The following RGP1 variants were observed in gnomAD, a reference collection of about 807,000 sequenced individuals.
The protein encoded by RGP1 is RGP1 partner of RAB6A GEF complex.
Under a neutral mutation model 44.5 loss-of-function variants are expected in RGP1, and 28 were observed. That is an observed-to-expected ratio of 0.63 (90% CI 0.47 to 0.86). RGP1 has a LOEUF of 0.86. Ranked by LOEUF, RGP1 falls within the 40% of genes least tolerant of loss-of-function variation. The pLI is 0.00. For synonymous variants in RGP1, 212 were observed against 196.7 expected (o/e 1.08, Z -0.65); for missense variants, 417 against 490.7 (o/e 0.85, Z 1.42).
At position 35,749,993 on chromosome 9, in the gene RGP1, A is replaced by T; in HGVS notation, c.116+122A>T. ...ACCTCCTCTTGCTCACTGTGCTGTC[A>T]TTGTAGGAGAGGGCTCTTTAACAGA... On this transcript the variant is annotated intron_variant, in intron 2 of 8. Transcript: ENST00000378078. This position sits in a 1 kb window ranked among gnomAD's most constrained non-coding sequence, Gnocchi z 4.4. 1 of 877,030 alleles carries T rather than the reference A, an allele frequency of 1.1e-6. No homozygotes were observed. The highest frequency in any genetic ancestry group is 1.6e-5 in the South Asian group (1 of 60,800). 54.3% of individuals were successfully genotyped at this position (877,030 alleles called of 1,614,324 possible).
At chr9:35,762,439 T>C (rs1470377795), downstream of RGP1, among the ~76,000 whole-genome samples, 1 of 152,212 alleles carries the variant, frequency 6.6e-6, no homozygotes, top group African/African-American at 2.4e-5. Flanking sequence ...AGAGGTTAGA[T>C]GACCGTTTGC....
chr9:35,785,508 G>A, the RGP1 span, among the ~76,000 whole-genome samples: 1 of 150,140 alleles, frequency 6.7e-6, no homozygotes, highest in African/African-American at 2.5e-5. Flanking sequence ...GAAAAACATA[G>A]CCTCCAAGGG....
the RGP1 span, chr9:35,780,223 A>G: frequency 0.65 from 99,575 of 152,046 alleles, 32,950 homozygotes; most frequent in East Asian, 0.75. Flanking sequence ...AGAAGAGGAG[A>G]AGCAGAATCA....
chr9:35,788,156 G>C, the RGP1 span, among the ~76,000 whole-genome samples: 6 of 152,354 alleles, frequency 3.9e-5, no homozygotes, highest in African/African-American at 1.4e-4. Flanking sequence ...GGCACCTTTG[G>C]CCTGAGTGTA....
At chr9:35,762,808 G>C (rs573136346), downstream of RGP1, among the ~76,000 whole-genome samples, 1 of 150,970 alleles carries the variant, frequency 6.6e-6, no homozygotes, top group Non-Finnish European at 1.5e-5. Flanking sequence ...CAAATTAAAC[G>C]TACTGGCTTC....
rs1421337714 is a variant in RGP1 at position 35,750,675 on chromosome 9, A to T, written c.271A>T (p.Ile91Phe). 6.2e-7 allele frequency: 1 copy of T among 1,613,864 alleles called. No homozygotes were observed. The highest frequency in any genetic ancestry group is 8.5e-7 in the Non-Finnish European group (1 of 1,179,880). ...TTTTTCAGGTGAGAGGGGCCAGTGT[A>T]TCCTTTCTACTCCACCGAAAATTCT... ...LPHRGERGQC[I>F]LSTPPKILFC... The change falls in exon 4 of 9, where the codon ATC (isoleucine) becomes TTC (phenylalanine). Residue 91 changes from isoleucine to phenylalanine, a missense_variant. Physicochemically the swap from Ile to Phe is conservative, Grantham distance 21. Coordinates refer to ENST00000378078, the MANE Select transcript of RGP1 (RefSeq NM_001080496.3).
Position 35,753,979 on chromosome 9 carries a change from T to C in RGP1, c.*1105T>C. 1 of 1,606,478 alleles carries C rather than the reference T, an allele frequency of 6.2e-7. No individual in the cohort carries two copies. Among genetic ancestry groups the C allele is most frequent in the Non-Finnish European group, 8.5e-7 (1 of 1,175,028 alleles). On this transcript the variant is annotated 3_prime_UTR_variant, in exon 9 of 9. Coordinates refer to ENST00000378078, the MANE Select transcript of RGP1 (RefSeq NM_001080496.3). The surrounding 1 kb of genome is among the most constrained non-coding windows in gnomAD (Gnocchi z 4.2). ...GCCCTCTCTGCTGCTCCTCCATTCC[T>C]AACGCTTCACCCCACTTTACCTTGA...
chr9:35,784,408 T>C, the RGP1 span, among the ~76,000 whole-genome samples: 1 of 152,256 alleles, frequency 6.6e-6, no homozygotes, highest in East Asian at 1.9e-4. Context: ...AAGTCTTTAA[T>C]CCATTTTGAG....
chr9:35,780,056 C>T, the RGP1 span, among the ~76,000 whole-genome samples: 1 of 152,218 alleles, frequency 6.6e-6, no homozygotes, highest in Non-Finnish European at 1.5e-5. Context: ...ATTTTGACAT[C>T]TGCCAAACAA....
the RGP1 span, among the ~76,000 whole-genome samples, chr9:35,764,627 T>G: frequency 6.6e-6 from 1 of 152,072 alleles, no homozygotes; most frequent in Non-Finnish European, 1.5e-5. Context: ...AGAACATCTC[T>G]GTCACCACCC....
At position 35,757,078 on chromosome 9, in the gene RGP1, A is replaced by G. The variant is rs1951432; in HGVS notation, c.*4204A>G. 104,165 of 152,348 alleles carry G rather than the reference A, an allele frequency of 0.68. 35,771 individuals are homozygous for G. The highest frequency in any genetic ancestry group is 0.83 in the East Asian group (4,249 of 5,126). The allele number at this position is 152,348 out of a possible 1,614,324, so 9.4% of individuals were successfully genotyped here. A position where few individuals can be genotyped will look rare whatever the true frequency, so the allele number is the denominator to read the frequency against. ...GGCTGGCGCGCACTACACGCTTGGGAACAAGGAAAACATCCGCCGGAGGCC... is the reference window on the plus strand; with the variant it reads ...GGCTGGCGCGCACTACACGCTTGGGGACAAGGAAAACATCCGCCGGAGGCC... On this transcript the variant is annotated 3_prime_UTR_variant, in exon 9 of 9. Transcript: ENST00000378078.
chr9:35,788,194 G>GGGACA, the RGP1 span, among the ~76,000 whole-genome samples: 1 of 152,238 alleles, frequency 6.6e-6, no homozygotes, highest in Non-Finnish European at 1.5e-5. Flanking sequence ...TTTTGAAGAA[G>GGGACA]GGACAGGGCA....
chr9:35,782,962 C>T, the RGP1 span, among the ~76,000 whole-genome samples: 1 of 150,584 alleles, frequency 6.6e-6, no homozygotes, highest in Non-Finnish European at 1.5e-5. Context: ...GCATGTGCCA[C>T]CATTCCTGGC....
chr9:35,782,856 T>C, the RGP1 span, among the ~76,000 whole-genome samples: 1 of 151,872 alleles, frequency 6.6e-6, no homozygotes, highest in South Asian at 2.1e-4. Context: ...TTGCCCAGGC[T>C]GGAGTGCAAT....
At chr9:35,760,724 C>T (rs1313172514), downstream of RGP1, among the ~76,000 whole-genome samples, 2 of 151,006 alleles carry the variant, frequency 1.3e-5, no homozygotes, top group Non-Finnish European at 2.9e-5. Context: ...CTTCCCACCC[C>T]CAACCAGGTA....
chr9:35,770,521 GA>G, the RGP1 span, among the ~76,000 whole-genome samples: 2 of 140,966 alleles, frequency 1.4e-5, no homozygotes, highest in African/African-American at 5.0e-5. Context: ...GAGAGAGAGA[GA>G]GAGAGAGAGA....
At chr9:35,778,727 T>C in the RGP1 span, among the ~76,000 whole-genome samples, 1 of 152,220 alleles carries the variant, frequency 6.6e-6, no homozygotes, top group Admixed American at 6.5e-5. Context: ...CGCCTTCCTG[T>C]TTGCTTTCTC....
At chr9:35,782,397 C>T in the RGP1 span, among the ~76,000 whole-genome samples, 1 of 152,128 alleles carries the variant, frequency 6.6e-6, no homozygotes, top group Non-Finnish European at 1.5e-5. Flanking sequence ...AAATAAAACA[C>T]TCACACAATT....
chr9:35,752,009 A>T lies in RGP1; in HGVS notation c.816A>T (p.Arg272=). The stretch of plus-strand genomic sequence containing the variant: ...GTGTACAGCCTGAGTACCAGCGGCG[A>T]CGTGGGGCAGGGGGTGTCCCCTCTG... ...EERVQPEYQR[R]RGAGGVPSVS... The change falls in exon 8 of 9, where the codon CGA becomes CGT. Residue 272 remains arginine, a synonymous_variant. Transcript: ENST00000378078. 6.2e-7 allele frequency: 1 copy of T among 1,605,614 alleles called. No homozygotes were observed. Among genetic ancestry groups the T allele is most frequent in the Non-Finnish European group, 8.5e-7 (1 of 1,175,812 alleles).
Sources: allele counts gnomAD v4.1 joint callset (sites outside exome capture counted in the v4.1 genomes callset), GRCh38; gene constraint gnomAD v4.1.1; non-coding constraint Gnocchi (gnomAD v3.1); transcripts MANE v1.5; gene names NCBI Gene and HGNC (gene_info 2026-07-23, HGNC 2026-07-21).